Variants in AGBL1 observed in about 807,000 individuals in gnomAD.
AGBL1 encodes AGBL carboxypeptidase 1, also known as cytosolic carboxypeptidase 4.
Under a neutral mutation model 118.9 loss-of-function variants are expected in AGBL1, and 130 were observed. The ratio of observed to expected loss-of-function variants is 1.09; its 90% CI spans 0.95 to 1.26. The LOEUF is 1.26. Among genes scored for constraint, AGBL1 ranks in the 50% most tolerant of loss-of-function variants. The pLI, the probability that AGBL1 is intolerant of heterozygous loss-of-function variation, is 0.00. For synonymous variants in AGBL1, 555 were observed against 478.9 expected (o/e 1.16, Z -2.08); for missense variants, 1,584 against 1,298.1 (o/e 1.22, Z -3.38).
chr15:86,623,189 G>T (rs2084838474), intron 21 of AGBL1, among the ~76,000 whole-genome samples: 2 of 152,204 alleles, frequency 1.3e-5, no homozygotes, highest in Non-Finnish European at 2.9e-5. Context: ...TAGAGAGAAG[G>T]AATCGCAAGT....
intron 24 of AGBL1, among the ~76,000 whole-genome samples, chr15:87,022,742 C>G (rs2081678839): frequency 6.6e-6 from 1 of 152,028 alleles, no homozygotes; most frequent in Non-Finnish European, 1.5e-5. Context: ...AGAAACCTAT[C>G]AGATTAACAG....
intron 19 of AGBL1, among the ~76,000 whole-genome samples, chr15:86,529,235 A>G (rs957084693): frequency 3.4e-5 from 4 of 117,938 alleles, no homozygotes; most frequent in Non-Finnish European, 6.3e-5. Context: ...ATGTATAACT[A>G]GAATAACCAA....
In AGBL1 at chr15:86,589,187, T is replaced by C. The variant is rs1457223812; in HGVS notation, c.2994+34650T>C. 2.6e-5 allele frequency among the ~76,000 whole-genome samples: 4 copies of C among 152,132 alleles called. No homozygotes were observed. In the East Asian group the frequency reaches 7.7e-4, roughly 29 times the overall value. On this transcript the variant is annotated intron_variant, in intron 21 of 22. Coordinates refer to ENST00000614907, the MANE Select transcript of AGBL1 (RefSeq NM_001386094.1). ...CGGATGAGATGTCAGAGCCCCGGCA[T>C]CAGAAAGTGATCAACTCACAGGTTG...
intron 1 of AGBL1, among the ~76,000 whole-genome samples, chr15:86,134,603 CCTTTTTTTT>C (rs1262846684): frequency 1.7e-4 from 19 of 114,316 alleles, no homozygotes; most frequent in East Asian, 7.0e-4. Flanking sequence ...ATCAATGGTG[CCTTTTTTTT>C]TTTTTTTTTT....
chr15:86,976,167 CTTAT>C (rs551352647), intron 23 of AGBL1, among the ~76,000 whole-genome samples: 62 of 150,210 alleles, frequency 4.1e-4, no homozygotes, highest in African/African-American at 1.4e-3. Flanking sequence ...TATGATTTTA[CTTAT>C]TTATGTATTA....
chr15:86,079,935 T>C lies in AGBL1; in HGVS notation c.-38T>C, dbSNP rs1342187551. 2 of 1,229,076 alleles carry C rather than the reference T, an allele frequency of 1.6e-6. No individual in the cohort carries two copies. Among genetic ancestry groups the C allele is most frequent in the African/African-American group, 3.1e-5 (2 of 64,390 alleles). 76.1% of individuals were successfully genotyped at this position (1,229,076 alleles called of 1,614,324 possible). A position where few individuals can be genotyped will look rare whatever the true frequency, so the allele number is the denominator to read the frequency against. On this transcript the variant is annotated 5_prime_UTR_variant, in exon 1 of 23. Transcript: ENST00000614907. ...AGCCGCTGCCTCTCCAGCCTGGATCTGGCCGCAGGCAGCGGTTCCCTAGGA... is the reference window on the plus strand; with the variant it reads ...AGCCGCTGCCTCTCCAGCCTGGATCCGGCCGCAGGCAGCGGTTCCCTAGGA...
At chr15:86,763,817 C>T (rs754313514) in intron 22 of AGBL1, among the ~76,000 whole-genome samples, 9 of 151,982 alleles carry the variant, frequency 5.9e-5, no homozygotes, top group Admixed American at 5.9e-4. Flanking sequence ...CTAACTCAAA[C>T]AGTGCATGAT....
intron 21 of AGBL1, among the ~76,000 whole-genome samples, chr15:86,645,875 C>G (rs1299394061): frequency 6.6e-6 from 1 of 152,136 alleles, no homozygotes; most frequent in Admixed American, 6.6e-5. Context: ...GGCCATGGAA[C>G]ATTAGGACAA....
At chr15:86,797,343 C>T (rs1369021757) in intron 22 of AGBL1, among the ~76,000 whole-genome samples, 3 of 152,218 alleles carry the variant, frequency 2.0e-5, no homozygotes, top group African/African-American at 7.2e-5. Context: ...AAGTGACCCA[C>T]AGGAGGCTGT....
intron 23 of AGBL1, among the ~76,000 whole-genome samples, chr15:86,974,874 C>T (rs2081157430): frequency 6.6e-6 from 1 of 151,824 alleles, no homozygotes. Flanking sequence ...AGAAACCACA[C>T]TTCTGGGTGA....
At chr15:86,713,572 T>C (rs2086593312) in intron 22 of AGBL1, among the ~76,000 whole-genome samples, 1 of 152,106 alleles carries the variant, frequency 6.6e-6, no homozygotes, top group Admixed American at 6.6e-5. Flanking sequence ...AATAAATGAA[T>C]GAGCAAGAGG....
intron 23 of AGBL1, among the ~76,000 whole-genome samples, chr15:86,954,517 G>A (rs1230241378): frequency 6.6e-6 from 1 of 152,160 alleles, no homozygotes; most frequent in Non-Finnish European, 1.5e-5. Context: ...GATGCAACTG[G>A]ATGCCATAAT....
chr15:86,825,800 A>G (rs2141399025), intron 22 of AGBL1, among the ~76,000 whole-genome samples: 1 of 151,804 alleles, frequency 6.6e-6, no homozygotes, highest in South Asian at 2.1e-4. Context: ...TTTTTTTTTA[A>G]GTGATAGCAC....
chr15:86,974,416 A>G (rs2081147455), intron 23 of AGBL1, among the ~76,000 whole-genome samples: 1 of 122,212 alleles, frequency 8.2e-6, no homozygotes, highest in Non-Finnish European at 1.6e-5. Flanking sequence ...TTAAATATAA[A>G]CATATTTTAT....
chr15:86,969,308 C>T (rs2081084193), intron 23 of AGBL1, among the ~76,000 whole-genome samples: 1 of 151,942 alleles, frequency 6.6e-6, no homozygotes, highest in Non-Finnish European at 1.5e-5. Flanking sequence ...GACCTCAGGA[C>T]TGGCCCAACT....
At position 86,102,292 on chromosome 15, in the gene AGBL1, C is replaced by T. The variant is rs1036904132; in HGVS notation, c.51+22269C>T. Among the ~76,000 whole-genome samples, 4 of 152,262 alleles carry T rather than the reference C, an allele frequency of 2.6e-5. No homozygotes were observed. In the South Asian group the frequency reaches 6.2e-4, roughly 24 times the overall value. On this transcript the variant is annotated intron_variant, in intron 1 of 22. Transcript: ENST00000614907. ...CTGACCTCAAGTGACCCGCTCACCT[C>T]GGCCTCCCCAATTGCTGGGATTACA...
chr15:86,275,718 T>C (rs1016918414), intron 15 of AGBL1, among the ~76,000 whole-genome samples: 5 of 152,206 alleles, frequency 3.3e-5, no homozygotes, highest in African/African-American at 7.2e-5. Context: ...AGCTGTGAAG[T>C]TGCTGGATGT....
rs1393677885 is a variant in AGBL1, at chr15:86,615,611, A to T, written c.2995-58662A>T. ...ATAAACCTTCCATGGACTTTGAGGC[A>T]ATCTAATCTGAGTGTAACAGAGCAC... is the stretch of plus-strand genomic sequence containing the variant. On this transcript the variant is annotated intron_variant, in intron 21 of 22. Coordinates refer to ENST00000614907, the MANE Select transcript of AGBL1 (RefSeq NM_001386094.1). This position sits in a 1 kb window ranked among gnomAD's most constrained non-coding sequence, Gnocchi z 4.3. Among the ~76,000 whole-genome samples the T allele has an allele frequency of 6.6e-6, 1 of 152,188 alleles. No homozygotes were observed. Among genetic ancestry groups the T allele is most frequent in the Non-Finnish European group, 1.5e-5 (1 of 68,028 alleles).
At chr15:86,541,250 G>C (rs2142241492) in intron 19 of AGBL1, among the ~76,000 whole-genome samples, 1 of 152,278 alleles carries the variant, frequency 6.6e-6, no homozygotes, top group Non-Finnish European at 1.5e-5. Flanking sequence ...TGGGGCATGA[G>C]CATCACCCGG....
Sources: allele counts gnomAD v4.1 joint callset (sites outside exome capture counted in the v4.1 genomes callset), GRCh38; gene constraint gnomAD v4.1.1; non-coding constraint Gnocchi (gnomAD v3.1); transcripts MANE v1.5; gene names NCBI Gene and HGNC (gene_info 2026-07-23, HGNC 2026-07-21).